Variants in ZNF563 observed in about 807,000 individuals in gnomAD.
ZNF563 encodes zinc finger protein 563.
A neutral mutation model predicts 48.5 loss-of-function variants in ZNF563; 39 were observed. The ratio of observed to expected loss-of-function variants is 0.80; its 90% confidence interval spans 0.62 to 1.05. The LOEUF (loss-of-function observed/expected upper bound fraction) is 1.05. Ranked by LOEUF, ZNF563 falls within the 50% of genes least tolerant of loss-of-function variation. ZNF563 has a pLI of 0.00. For missense variants in ZNF563, 538 were observed against 597.0 expected (o/e 0.90, Z 1.03); for synonymous variants, 168 against 187.9 (o/e 0.89, Z 0.87).
the ZNF563 span, among the ~76,000 whole-genome samples, chr19:12,345,789 A>G: frequency 2.6e-5 from 4 of 152,126 alleles, no homozygotes; most frequent in Middle Eastern, 0.01. Flanking sequence ...GTGGGTGCCT[A>G]TAATCCCAGC....
intron 3 of ZNF563, among the ~76,000 whole-genome samples, chr19:12,320,854 A>T (rs1968601425): frequency 6.6e-6 from 1 of 152,104 alleles, no homozygotes; most frequent in Admixed American, 6.6e-5. Context: ...GAATAAATAA[A>T]TTTAGGCTGG....
At chr19:12,337,803 A>G (rs1421142417), upstream of ZNF563, among the ~76,000 whole-genome samples, 1 of 152,198 alleles carries the variant, frequency 6.6e-6, no homozygotes, top group Non-Finnish European at 1.5e-5. Context: ...GAAATAATAT[A>G]TTAGTGTAAA....
rs146834340 is a variant in ZNF563 at position 12,318,681 on chromosome 19, C to T, written c.1344G>A (p.Pro448=). Residue 448 remains proline, a synonymous_variant, in exon 4 of 4, where the codon CCG becomes CCA. Transcript: ENST00000293725. The part of the protein sequence containing the change: ...RHMVMHTGDG[P]NKCKVCGKAF... ...CTTTCCCACATACCTTGCATTTATT[C>T]GGCCCATCTCCCGTATGCATTACCA... 19 of 1,613,964 alleles carry T rather than the reference C, an allele frequency of 1.2e-5. No individual in the cohort carries two copies. Among genetic ancestry groups the T allele is most frequent in the African/African-American group, 8.0e-5 (6 of 74,900 alleles).
At chr19:12,326,084 G>A (rs752525953) in intron 1 of ZNF563, among the ~76,000 whole-genome samples, 38 of 152,058 alleles carry the variant, frequency 2.5e-4, no homozygotes, top group Non-Finnish European at 4.9e-4. Flanking sequence ...GCTCATCAAT[G>A]GAAAAACCTG....
upstream of ZNF563, among the ~76,000 whole-genome samples, chr19:12,333,878 G>A (rs1229714571): frequency 1.3e-5 from 2 of 152,252 alleles, no homozygotes; most frequent in African/African-American, 4.8e-5. Flanking sequence ...TCCCTGTGCT[G>A]TCCTGATCCC....
the ZNF563 span, among the ~76,000 whole-genome samples, chr19:12,341,561 G>A: frequency 6.6e-6 from 1 of 152,090 alleles, no homozygotes; most frequent in Non-Finnish European, 1.5e-5. Flanking sequence ...TAGAACAGGG[G>A]GGGCTACATC....
At chr19:12,341,588 GA>G in the ZNF563 span, among the ~76,000 whole-genome samples, 1 of 152,102 alleles carries the variant, frequency 6.6e-6, no homozygotes, top group East Asian at 1.9e-4. Flanking sequence ...ATACAAAATA[GA>G]ATTTAAGCCA....
intron 1 of ZNF563, among the ~76,000 whole-genome samples, chr19:12,323,724 C>T (rs1325751913): frequency 6.6e-6 from 1 of 152,214 alleles, no homozygotes; most frequent in Non-Finnish European, 1.5e-5. Flanking sequence ...ACTATAGGCA[C>T]TGGGTCTCTA....
At chr19:12,345,362 T>C in the ZNF563 span, among the ~76,000 whole-genome samples, 1 of 152,178 alleles carries the variant, frequency 6.6e-6, no homozygotes, top group African/African-American at 2.4e-5. Context: ...CAAAACAGTA[T>C]GGTACTGGCA....
intron 1 of ZNF563, 127 bp downstream of exon 1, chr19:12,333,353 G>A (rs1968969678): frequency 9.0e-6 from 12 of 1,326,756 alleles, no homozygotes; most frequent in African/African-American, 1.5e-5. Context: ...GTCGAGCTGC[G>A]CCAGGGGGAC....
chr19:12,322,577 A>G lies in ZNF563; in HGVS notation c.130+8T>C. On this transcript the variant is annotated splice_region_variant and intron_variant, in intron 2 of 3. Transcript: ENST00000293725. ...ATTGATTAAGTGAAGACATGGTATCATCCTTACTTATACAGTCCAGGTTCC... is the reference window on the plus strand; with the variant it reads ...ATTGATTAAGTGAAGACATGGTATCGTCCTTACTTATACAGTCCAGGTTCC... The G allele has an allele frequency of 6.3e-7, 1 of 1,589,674 alleles. No individual in the cohort carries two copies. Among genetic ancestry groups the G allele is most frequent in the Non-Finnish European group, 8.6e-7 (1 of 1,167,428 alleles).
rs918003374 is a variant in ZNF563 at position 12,317,946 on chromosome 19, T to A, written c.*648A>T. On this transcript the variant is annotated 3_prime_UTR_variant, in exon 4 of 4. Coordinates refer to ENST00000293725, the MANE Select transcript of ZNF563 (RefSeq NM_145276.3). The stretch of plus-strand genomic sequence containing the variant: ...TGTCTATGCAAGGACCTGAGAGAAC[T>A]CAATGCTTTTCTACATTTCTTACAT... 1.0e-5 allele frequency: 2 copies of A among 193,960 alleles called. No individual in the cohort carries two copies. The highest frequency in any genetic ancestry group is 2.4e-5 in the Non-Finnish European group (2 of 82,508). The allele number at this position is 193,960 out of a possible 1,614,324, so 12.0% of individuals were successfully genotyped here.
the ZNF563 span, among the ~76,000 whole-genome samples, chr19:12,343,286 G>A: frequency 2.0e-3 from 309 of 152,150 alleles, 1 homozygote; most frequent in Middle Eastern, 0.02. Context: ...AAAAGGAAGC[G>A]CAAACTTCTT....
chr19:12,318,953 T>A lies in ZNF563; in HGVS notation c.1072A>T (p.Ile358Phe), dbSNP rs776936371. 9 of 1,614,254 alleles carry A rather than the reference T, an allele frequency of 5.6e-6. No individual in the cohort carries two copies. The highest frequency in any genetic ancestry group is 5.5e-5 in the South Asian group (5 of 91,088). ...RPSLVRYHER[I>F]HTGEKPYECK... The stretch of plus-strand genomic sequence containing the variant: ...TCATAGGGTTTCTCTCCAGTGTGAA[T>A]TCGTTCATGATATCGAACTAAACTG... The change falls in exon 4 of 4, where the codon ATT becomes TTT. Residue 358 changes from isoleucine to phenylalanine, a missense_variant. Ile to Phe is a conservative substitution (Grantham distance 21). Coordinates refer to ENST00000293725, the MANE Select transcript of ZNF563 (RefSeq NM_145276.3).
At chr19:12,344,744 G>A in the ZNF563 span, among the ~76,000 whole-genome samples, 1 of 151,994 alleles carries the variant, frequency 6.6e-6, no homozygotes, top group Non-Finnish European at 1.5e-5. Context: ...AGAAATAAAA[G>A]GAATCCAAAT....
intron 1 of ZNF563, among the ~76,000 whole-genome samples, chr19:12,323,078 G>A (rs938522130): frequency 6.6e-6 from 1 of 152,210 alleles, no homozygotes; most frequent in African/African-American, 2.4e-5. Flanking sequence ...TCCTGAGACT[G>A]CATGTCCTTA....
At position 12,324,406 on chromosome 19, in the gene ZNF563, T is replaced by C. The variant is rs536914434; in HGVS notation, c.4-1695A>G. On this transcript the variant is annotated intron_variant, in intron 1 of 3. Coordinates refer to ENST00000293725, the MANE Select transcript of ZNF563 (RefSeq NM_145276.3). ...TATCAAATCTAATAGAAGTCACAAA[T>C]GTCTAAAAATGCTAAAAAACCTCCT... 6.6e-5 allele frequency among the ~76,000 whole-genome samples: 10 copies of C among 151,822 alleles called. No individual in the cohort carries two copies. The East Asian group carries it at 1.9e-3, about 29-fold the overall frequency.
chr19:12,345,432 T>C, the ZNF563 span, among the ~76,000 whole-genome samples: 2 of 152,190 alleles, frequency 1.3e-5, no homozygotes, highest in Non-Finnish European at 2.9e-5. Flanking sequence ...AATGCTCATA[T>C]ACAGGGTGAA....
intron 2 of ZNF563, among the ~76,000 whole-genome samples, 153 bp downstream of exon 2, chr19:12,322,432 T>G (rs1968654769): frequency 6.6e-6 from 1 of 152,238 alleles, no homozygotes; most frequent in Non-Finnish European, 1.5e-5. Context: ...TAGATGAGGA[T>G]GTACAACTTC....
Sources: allele counts gnomAD v4.1 joint callset (sites outside exome capture counted in the v4.1 genomes callset), GRCh38; gene constraint gnomAD v4.1.1; transcripts MANE v1.5; gene names NCBI Gene and HGNC (gene_info 2026-07-23, HGNC 2026-07-21).